Variants in AUH observed in about 807,000 individuals in gnomAD.
The protein encoded by AUH is AU RNA binding methylglutaconyl-CoA hydratase, also known as methylglutaconyl-CoA hydratase, mitochondrial.
In AUH, 29 loss-of-function variants were observed where a neutral mutation model predicts 42.3. That is an observed-to-expected ratio of 0.69 (90% CI 0.51 to 0.93). The LOEUF (loss-of-function observed/expected upper bound fraction) is 0.93. Among genes scored for constraint, AUH ranks in the 40% least tolerant of loss-of-function variants. The probability of loss-of-function intolerance (pLI) is 0.00; values close to 1 mark genes in which losing one functional copy is unlikely to be tolerated. For missense variants in AUH, 452 were observed against 438.1 expected (o/e 1.03, Z -0.28); for synonymous variants, 174 against 166.4 (o/e 1.05, Z -0.35).
At chr9:91,283,016 G>T (rs1347438750) in intron 6 of AUH, among the ~76,000 whole-genome samples, 6 of 152,046 alleles carry the variant, frequency 3.9e-5, no homozygotes, top group Admixed American at 3.3e-4. Flanking sequence ...CAAAGAAAGA[G>T]AATTTTACAC....
Position 91,220,987 on chromosome 9 carries a change from T to TC in AUH, c.660dup (p.Thr221AspfsTer74), listed in dbSNP as rs781142774. ...CCAATGGCGCGTGGCAATCGCTGTG[T>TC]CCCCCCTGAGGGGTGAAAGAGAGAG... is the stretch of plus-strand genomic sequence containing the variant. On this transcript the variant is annotated frameshift_variant, in exon 7 of 10. Transcript: ENST00000375731. LOFTEE classifies it high-confidence loss of function. The TC allele has an allele frequency of 6.2e-7, 1 of 1,614,100 alleles. No homozygotes were observed. The highest frequency in any genetic ancestry group is 8.5e-7 in the Non-Finnish European group (1 of 1,180,032).
At chr9:91,223,578 A>G (rs1280096738) in intron 6 of AUH, among the ~76,000 whole-genome samples, 2 of 152,216 alleles carry the variant, frequency 1.3e-5, no homozygotes, top group Non-Finnish European at 2.9e-5. Context: ...TTCTGCTTTC[A>G]ATATATACAG....
chr9:91,281,256 C>G (rs933738177), intron 6 of AUH, among the ~76,000 whole-genome samples: 3 of 152,180 alleles, frequency 2.0e-5, no homozygotes, highest in Admixed American at 1.3e-4. Flanking sequence ...TTCTATTGCT[C>G]TATCTTCAGA....
chr9:91,296,194 A>ATTATTTTTTTTTTTTTTTTT, intron 5 of AUH, 117 bp from the exon 6 acceptor site: 6 of 1,019,506 alleles, frequency 5.9e-6, no homozygotes, highest in East Asian at 3.1e-5. Flanking sequence ...GATATCACAA[A>ATTATTTTTTTTTTTTTTTTT]TTCTTAAAAA....
intron 6 of AUH, among the ~76,000 whole-genome samples, chr9:91,255,950 A>G (rs1158495382): frequency 1.3e-5 from 2 of 152,172 alleles, no homozygotes; most frequent in Non-Finnish European, 2.9e-5. Context: ...TTAAAAATAC[A>G]TAAGCTCTAA....
At chr9:91,341,624 T>C (rs1292033106) in intron 3 of AUH, among the ~76,000 whole-genome samples, 3 of 152,226 alleles carry the variant, frequency 2.0e-5, no homozygotes, top group African/African-American at 7.2e-5. Context: ...CCAATGTTAC[T>C]TCCTCAACAA....
At chr9:91,244,124 TAA>T (rs1265098662) in intron 6 of AUH, among the ~76,000 whole-genome samples, 1 of 151,960 alleles carries the variant, frequency 6.6e-6, no homozygotes, top group Non-Finnish European at 1.5e-5. Flanking sequence ...CAAACAAAAG[TAA>T]AATCAAGGCA....
At chr9:91,321,257 T>C (rs1291861102) in intron 4 of AUH, among the ~76,000 whole-genome samples, 1 of 152,216 alleles carries the variant, frequency 6.6e-6, no homozygotes, top group African/African-American at 2.4e-5. Context: ...ACCGCAAGTT[T>C]AATCAACTAA....
At chr9:91,294,144 C>T (rs1212283600) in intron 6 of AUH, among the ~76,000 whole-genome samples, 1 of 152,192 alleles carries the variant, frequency 6.6e-6, no homozygotes, top group Non-Finnish European at 1.5e-5. Flanking sequence ...CCTGGTTACC[C>T]AAGAGCTCTG....
intron 6 of AUH, among the ~76,000 whole-genome samples, chr9:91,240,193 C>T (rs1404435095): frequency 6.6e-6 from 1 of 152,170 alleles, no homozygotes; most frequent in Non-Finnish European, 1.5e-5. Flanking sequence ...ACCAGAGGAA[C>T]ACAAAATCTT....
intron 3 of AUH, among the ~76,000 whole-genome samples, chr9:91,352,905 T>G (rs958399344): frequency 2.0e-5 from 3 of 152,130 alleles, no homozygotes; most frequent in African/African-American, 7.2e-5. Flanking sequence ...CTCAAGAAAT[T>G]TGAGGCAAGA....
At chr9:91,335,462 A>G (rs77324810) in intron 3 of AUH, among the ~76,000 whole-genome samples, 3,834 of 152,256 alleles carry the variant, frequency 0.025, 79 homozygotes, top group East Asian at 0.066. Flanking sequence ...TAATCTTGCC[A>G]AAAGTCTGAC....
chr9:91,286,075 T>C (rs528622946), intron 6 of AUH, among the ~76,000 whole-genome samples: 2 of 152,276 alleles, frequency 1.3e-5, no homozygotes, highest in Admixed American at 1.3e-4. Context: ...TTGATATTTA[T>C]GAAAATCAAA....
At position 91,297,964 on chromosome 9, in the gene AUH, T is replaced by A. The variant is rs1289838199; in HGVS notation, c.598+20A>T. On this transcript the variant is annotated intron_variant, in intron 5 of 9. Transcript: ENST00000375731. ...ACCTTCACTTTTTTAAATTATGTTTTTAACAGGATTAATTCTTACCTGCTA... is the reference window on the plus strand; with the variant it reads ...ACCTTCACTTTTTTAAATTATGTTTATAACAGGATTAATTCTTACCTGCTA... The A allele has an allele frequency of 6.4e-7, 1 of 1,553,816 alleles. No homozygotes were observed. Among genetic ancestry groups the A allele is most frequent in the South Asian group, 1.1e-5 (1 of 89,776 alleles).
At chr9:91,323,940 T>TA (rs1418078770) in intron 4 of AUH, among the ~76,000 whole-genome samples, 1 of 152,038 alleles carries the variant, frequency 6.6e-6, no homozygotes, top group Non-Finnish European at 1.5e-5. Flanking sequence ...CTCTTTGCCT[T>TA]AAAAAAATAA....
intron 6 of AUH, among the ~76,000 whole-genome samples, chr9:91,293,531 T>G (rs891023040): frequency 2.6e-5 from 4 of 152,204 alleles, no homozygotes; most frequent in Non-Finnish European, 4.4e-5. Flanking sequence ...AAGCCCTAAC[T>G]CTCTTTAACT....
intron 4 of AUH, among the ~76,000 whole-genome samples, chr9:91,323,005 A>C (rs1390232423): frequency 6.6e-6 from 1 of 152,212 alleles, no homozygotes; most frequent in Non-Finnish European, 1.5e-5. Flanking sequence ...TTGATTAAAA[A>C]CAGAAATAAT....
intron 3 of AUH, among the ~76,000 whole-genome samples, chr9:91,351,382 A>G (rs1358658118): frequency 6.6e-6 from 1 of 152,178 alleles, no homozygotes; most frequent in East Asian, 1.9e-4. Context: ...CATGTATATC[A>G]CTTTATAAGT....
rs533467721 is a variant in AUH at position 91,237,068 on chromosome 9, G to C, written c.656-16076C>G. ...GGGGATACGTGTATGTGCAGAAAATGAATCTATCAGCTACAGATTATGTTT... is the reference window on the plus strand; with the variant it reads ...GGGGATACGTGTATGTGCAGAAAATCAATCTATCAGCTACAGATTATGTTT... On this transcript the variant is annotated intron_variant, in intron 6 of 9. Coordinates refer to ENST00000375731, the MANE Select transcript of AUH (RefSeq NM_001698.3). Among the ~76,000 whole-genome samples, 4 of 152,202 alleles carry C rather than the reference G, an allele frequency of 2.6e-5. No homozygotes were observed. In the East Asian group the frequency reaches 7.7e-4, roughly 29 times the overall value.
Sources: allele counts gnomAD v4.1 joint callset (sites outside exome capture counted in the v4.1 genomes callset), GRCh38; gene constraint gnomAD v4.1.1; transcripts MANE v1.5; gene names NCBI Gene and HGNC (gene_info 2026-07-23, HGNC 2026-07-21).